Variants in PTGIS observed in about 807,000 individuals in gnomAD.
PTGIS encodes prostaglandin I2 synthase, also known as prostacyclin synthase.
Under a neutral mutation model 50.3 loss-of-function variants are expected in PTGIS, and 45 were observed. The ratio of observed to expected loss-of-function variants is 0.90; its 90% CI spans 0.70 to 1.15. The LOEUF is 1.15. Among genes scored for constraint, PTGIS ranks in the 50% most tolerant of loss-of-function variants. The pLI is 0.00. For synonymous variants in PTGIS, 260 were observed against 267.7 expected (o/e 0.97, Z 0.28); for missense variants, 668 against 661.3 (o/e 1.01, Z -0.11).
chr20:49,543,663 G>T (rs2122882114), intron 4 of PTGIS, among the ~76,000 whole-genome samples: 1 of 152,220 alleles, frequency 6.6e-6, no homozygotes, highest in Middle Eastern at 3.4e-3. Context: ...TTGCAGTTAG[G>T]TCTTGGCTCA....
At chr20:49,544,710 C>G (rs1274563479) in intron 3 of PTGIS, among the ~76,000 whole-genome samples, 3 of 152,204 alleles carry the variant, frequency 2.0e-5, no homozygotes, top group African/African-American at 7.2e-5. Flanking sequence ...ACCCATTTTA[C>G]AGATGGAGAA....
intron 1 of PTGIS, among the ~76,000 whole-genome samples, chr20:49,563,355 A>T (rs544604808): frequency 6.6e-6 from 1 of 152,324 alleles, no homozygotes; most frequent in East Asian, 1.9e-4. Flanking sequence ...CACTGTGCAT[A>T]AAAAGCACGT....
intron 1 of PTGIS, among the ~76,000 whole-genome samples, chr20:49,558,652 A>G (rs1343062115): frequency 6.6e-6 from 1 of 152,122 alleles, no homozygotes; most frequent in Non-Finnish European, 1.5e-5. Context: ...CATGTTGAAT[A>G]GGAGCTGGGT....
chr20:49,541,664 G>A (rs1033953233), intron 4 of PTGIS, among the ~76,000 whole-genome samples: 3 of 152,196 alleles, frequency 2.0e-5, no homozygotes, highest in African/African-American at 4.8e-5. Flanking sequence ...CTGGGAGGCG[G>A]AGGTTGCAGC....
At chr20:49,550,330 C>T in intron 1 of PTGIS, 141 bp from the exon 2 acceptor site, 2 of 1,107,050 alleles carry the variant, frequency 1.8e-6, no homozygotes, top group Non-Finnish European at 2.7e-6. Context: ...CTCACCTGCT[C>T]CTTTTCTCTT....
At chr20:49,547,742 C>G (rs560977017) in intron 3 of PTGIS, 99 bp downstream of exon 3, 1 of 1,360,472 alleles carries the variant, frequency 7.4e-7, no homozygotes, top group South Asian at 1.2e-5. Flanking sequence ...AATGTCTTTA[C>G]CGAACATTTG....
Position 49,507,830 on chromosome 20 carries a change from G to A in PTGIS, c.*90C>T. 2 of 1,564,046 alleles carry A rather than the reference G, an allele frequency of 1.3e-6. No homozygotes were observed. The highest frequency in any genetic ancestry group is 1.7e-6 in the Non-Finnish European group (2 of 1,152,672). On this transcript the variant is annotated 3_prime_UTR_variant, in exon 10 of 10. Coordinates refer to ENST00000244043, the MANE Select transcript of PTGIS (RefSeq NM_000961.4). ...GTGGTAATGCTAGCACCTGCACCCG[G>A]GCCAACTGTGCACACAGAAAGCTGG...
chr20:49,560,135 G>C (rs965302705), intron 1 of PTGIS, among the ~76,000 whole-genome samples: 1 of 151,996 alleles, frequency 6.6e-6, no homozygotes, highest in Non-Finnish European at 1.5e-5. Context: ...TCTTGGCCAG[G>C]CTGGTCTTGA....
At chr20:49,550,929 C>T (rs1213636689) in intron 1 of PTGIS, among the ~76,000 whole-genome samples, 1 of 152,166 alleles carries the variant, frequency 6.6e-6, no homozygotes, top group African/African-American at 2.4e-5. Flanking sequence ...GCAGGCCAGG[C>T]ACAGTGGCTG....
At chr20:49,532,972 G>A (rs556386075) in intron 5 of PTGIS, among the ~76,000 whole-genome samples, 9 of 152,154 alleles carry the variant, frequency 5.9e-5, no homozygotes, top group East Asian at 1.9e-4. Context: ...TGTGATAACC[G>A]GATGCCATGA....
chr20:49,535,273 T>C (rs1333721202), intron 5 of PTGIS, among the ~76,000 whole-genome samples: 3 of 152,070 alleles, frequency 2.0e-5, no homozygotes, highest in Admixed American at 2.0e-4. Flanking sequence ...TGCTCTGTGG[T>C]TTTGGAAATG....
At chr20:49,523,356 CAG>C (rs1012947545) in intron 6 of PTGIS, among the ~76,000 whole-genome samples, 5 of 151,350 alleles carry the variant, frequency 3.3e-5, no homozygotes, top group African/African-American at 1.2e-4. Flanking sequence ...GAGAGAGAGA[CAG>C]AGAGAGAGAA....
chr20:49,507,727 C>T lies in PTGIS; in HGVS notation c.*193G>A. 1.3e-6 allele frequency: 1 copy of T among 749,672 alleles called. No individual in the cohort carries two copies. The highest frequency in any genetic ancestry group is 1.7e-5 in the South Asian group (1 of 57,826). The allele number at this position is 749,672 out of a possible 1,614,324, so 46.4% of individuals were successfully genotyped here. ...ACTTTGCAGTGGATAATCCATAGAG[C>T]TTTCAATGTCTTTTCTTTGTTCACC... On this transcript the variant is annotated 3_prime_UTR_variant, in exon 10 of 10. Transcript: ENST00000244043.
At chr20:49,509,513 T>C (rs1891046754) in intron 9 of PTGIS, among the ~76,000 whole-genome samples, 1 of 152,206 alleles carries the variant, frequency 6.6e-6, no homozygotes, top group African/African-American at 2.4e-5. Flanking sequence ...ACAGGTGAAT[T>C]TGTTCCAATA....
intron 5 of PTGIS, among the ~76,000 whole-genome samples, chr20:49,526,039 C>A (rs1286302063): frequency 6.6e-6 from 1 of 152,138 alleles, no homozygotes; most frequent in African/African-American, 2.4e-5. Flanking sequence ...CAATGTAAAG[C>A]AATAAGCTTA....
chr20:49,552,643 G>A (rs979756164), intron 1 of PTGIS, among the ~76,000 whole-genome samples: 9 of 152,054 alleles, frequency 5.9e-5, no homozygotes, highest in Non-Finnish European at 1.2e-4. Flanking sequence ...TAATGAAACA[G>A]GTTATCAAGA....
chr20:49,547,080 A>T (rs1568682337), intron 3 of PTGIS, among the ~76,000 whole-genome samples: 1 of 152,048 alleles, frequency 6.6e-6, no homozygotes, highest in Non-Finnish European at 1.5e-5. Context: ...AAAAATACAA[A>T]AATTAGCCAG....
intron 5 of PTGIS, among the ~76,000 whole-genome samples, chr20:49,536,478 C>CTTTTTTTTTTTTTTTTT (rs761478359): frequency 6.4e-5 from 7 of 108,666 alleles, no homozygotes; most frequent in Admixed American, 9.4e-5. Flanking sequence ...TTCTTTCTTT[C>CTTTTTTTTTTTTTTTTT]TTTTTTTTTT....
intron 1 of PTGIS, among the ~76,000 whole-genome samples, chr20:49,565,264 G>T (rs193159797): frequency 7.4e-4 from 113 of 151,924 alleles, no homozygotes; most frequent in Non-Finnish European, 8.2e-4. Context: ...TTTTTTGCTT[G>T]TAGTTGCATT....
Sources: gnomAD v4.1 joint callset for allele counts (sites outside exome capture counted in the v4.1 genomes callset) on GRCh38, gnomAD v4.1.1 for gene constraint, MANE v1.5 for transcripts, NCBI Gene and HGNC (gene_info 2026-07-23, HGNC 2026-07-21) for gene names.